Variants in SLC4A4 observed in about 807,000 individuals in gnomAD.
The protein encoded by SLC4A4 is electrogenic sodium bicarbonate cotransporter 1.
Under a neutral mutation model 111.5 loss-of-function variants are expected in SLC4A4, and 27 were observed. The ratio of observed to expected loss-of-function variants is 0.24; its 90% CI spans 0.18 to 0.33. SLC4A4 has a LOEUF of 0.33. Ranked by LOEUF, SLC4A4 falls within the 10% of genes least tolerant of loss-of-function variation. The pLI is 1.00. For missense variants in SLC4A4, 909 were observed against 1,315.5 expected, an observed-to-expected ratio of 0.69 and a Z score of 4.78; for synonymous variants, 443 against 463.4, an observed-to-expected ratio of 0.96 and a Z score of 0.57.
intron 5 of SLC4A4, among the ~76,000 whole-genome samples, chr4:71,354,708 T>C (rs1382053249): frequency 6.6e-6 from 1 of 152,200 alleles, no homozygotes; most frequent in Non-Finnish European, 1.5e-5. Context: ...GCTTAGTTTT[T>C]AAATAAAGAA....
intron 3 of SLC4A4, among the ~76,000 whole-genome samples, chr4:71,279,223 C>A (rs551605155): frequency 6.6e-6 from 1 of 152,298 alleles, no homozygotes; most frequent in East Asian, 1.9e-4. Flanking sequence ...TTGAGCAACA[C>A]CTCCCATTCT....
chr4:71,418,014 A>G (rs1238875735), intron 7 of SLC4A4, among the ~76,000 whole-genome samples: 1 of 152,202 alleles, frequency 6.6e-6, no homozygotes, highest in Non-Finnish European at 1.5e-5. Context: ...CATAGTACAT[A>G]TGAAAGTGTT....
chr4:71,241,148 AAAG>A (rs1489798030), intron 2 of SLC4A4, among the ~76,000 whole-genome samples: 2 of 152,068 alleles, frequency 1.3e-5, no homozygotes, highest in Admixed American at 1.3e-4. Flanking sequence ...GGAAAAGAAA[AAAG>A]AAGTTTTGTT....
At chr4:71,138,449 A>G (rs1447047228) in intron 2 of SLC4A4, among the ~76,000 whole-genome samples, 1 of 152,218 alleles carries the variant, frequency 6.6e-6, no homozygotes, top group Non-Finnish European at 1.5e-5. Context: ...AGGAAAATAA[A>G]GGTGCAGCCA....
At chr4:71,225,034 T>C (rs1402633959) in intron 1 of SLC4A4, among the ~76,000 whole-genome samples, 1 of 152,194 alleles carries the variant, frequency 6.6e-6, no homozygotes, top group Non-Finnish European at 1.5e-5. Flanking sequence ...AAGTAGTAAG[T>C]ATTTAAAATG....
chr4:71,535,958 T>C (rs1053760473), intron 18 of SLC4A4, among the ~76,000 whole-genome samples: 3 of 152,082 alleles, frequency 2.0e-5, no homozygotes, highest in East Asian at 1.9e-4. Context: ...TTTTCACTTA[T>C]GATGAAAGAA....
At chr4:71,152,933 C>T (rs34169943) in intron 2 of SLC4A4, among the ~76,000 whole-genome samples, 54,344 of 148,492 alleles carry the variant, frequency 0.37, 15,170 homozygotes, top group African/African-American at 0.77. Flanking sequence ...GTATATATCA[C>T]ATATATATAT....
chr4:71,521,309 G>T (rs1335756152), intron 16 of SLC4A4, among the ~76,000 whole-genome samples: 1 of 151,998 alleles, frequency 6.6e-6, no homozygotes, highest in African/African-American at 2.4e-5. Context: ...ATGGCTTACT[G>T]CAGCCTCAAC....
At chr4:71,564,073 T>A (rs1250657421) in intron 24 of SLC4A4, among the ~76,000 whole-genome samples, 184 bp downstream of exon 24, 1 of 151,932 alleles carries the variant, frequency 6.6e-6, no homozygotes, top group Non-Finnish European at 1.5e-5. Context: ...TTCTTCCTTT[T>A]ATCCATAAAC....
intron 2 of SLC4A4, among the ~76,000 whole-genome samples, chr4:71,114,170 G>A (rs906101018): frequency 5.9e-5 from 9 of 152,080 alleles, no homozygotes; most frequent in African/African-American, 1.2e-4. Context: ...GGCATGAACC[G>A]GGGAGGCAGA....
intron 2 of SLC4A4, among the ~76,000 whole-genome samples, chr4:71,237,379 GAT>G (rs931947581): frequency 2.0e-5 from 3 of 152,128 alleles, no homozygotes; most frequent in African/African-American, 7.2e-5. Context: ...AGGCATCACA[GAT>G]ATATGTTATT....
In SLC4A4 at chr4:71,567,128, C is replaced by T. The variant is rs762034017; in HGVS notation, c.*36+45C>T. ...TTTATGTTTTTCTGTGGGATAATTG[C>T]CCCACAGAAATGTAGTTAATGGTGG... is the stretch of plus-strand genomic sequence containing the variant. On this transcript the variant is annotated intron_variant, in intron 25 of 25. Coordinates refer to ENST00000264485, the MANE Select transcript of SLC4A4 (RefSeq NM_001098484.3). 8.4e-6 allele frequency: 12 copies of T among 1,432,988 alleles called. No individual in the cohort carries two copies. The South Asian group carries it at 1.1e-4, about 13-fold the overall frequency. The allele number at this position is 1,432,988 out of a possible 1,614,324, so 88.8% of individuals were successfully genotyped here. A position where few individuals can be genotyped will look rare whatever the true frequency, so the allele number is the denominator to read the frequency against.
intron 3 of SLC4A4, among the ~76,000 whole-genome samples, chr4:71,330,068 C>T (rs1013678007): frequency 1.3e-5 from 2 of 152,080 alleles, no homozygotes; most frequent in East Asian, 1.9e-4. Flanking sequence ...TTGAAATGAT[C>T]GTATGGTTTT....
chr4:71,448,982 T>A (rs1260598383), intron 9 of SLC4A4, among the ~76,000 whole-genome samples: 4 of 152,210 alleles, frequency 2.6e-5, no homozygotes, highest in African/African-American at 9.7e-5. Context: ...GTAATTTAGA[T>A]CTGTTTTAAA....
At chr4:71,102,644 C>A (rs1742789428) in intron 2 of SLC4A4, among the ~76,000 whole-genome samples, 1 of 150,610 alleles carries the variant, frequency 6.6e-6, no homozygotes, top group Non-Finnish European at 1.5e-5. Flanking sequence ...GAATTTTCAA[C>A]CCAGAATTTC....
intron 1 of SLC4A4, among the ~76,000 whole-genome samples, chr4:71,216,168 C>G (rs557468487): frequency 3.9e-4 from 60 of 152,272 alleles, no homozygotes; most frequent in African/African-American, 1.4e-3. Flanking sequence ...CTTGGCCCCC[C>G]AATGTGCTGG....
At chr4:71,567,564 T>A (rs900567315) in intron 25 of SLC4A4, among the ~76,000 whole-genome samples, 3 of 151,808 alleles carry the variant, frequency 2.0e-5, no homozygotes, top group Non-Finnish European at 2.9e-5. Flanking sequence ...TTTTATTAAT[T>A]TAATCTAGGT....
intron 3 of SLC4A4, among the ~76,000 whole-genome samples, chr4:71,319,486 T>C (rs886735888): frequency 6.6e-6 from 1 of 152,048 alleles, no homozygotes; most frequent in Non-Finnish European, 1.5e-5. Flanking sequence ...ACTACACATC[T>C]TTGACTAAAT....
intron 5 of SLC4A4, among the ~76,000 whole-genome samples, chr4:71,350,487 C>A (rs1364099678): frequency 6.6e-6 from 1 of 152,088 alleles, no homozygotes; most frequent in Non-Finnish European, 1.5e-5. Flanking sequence ...AAGCGATTCT[C>A]CTGCTTCAGC....
Sources: allele counts gnomAD v4.1 joint callset (sites outside exome capture counted in the v4.1 genomes callset), GRCh38; gene constraint gnomAD v4.1.1; transcripts MANE v1.5; gene names NCBI Gene and HGNC (gene_info 2026-07-23, HGNC 2026-07-21).